NELL1: variants seen among roughly 807,000 people sequenced by gnomAD.
The protein encoded by NELL1 is neural EGFL like 1.
In NELL1, 76 loss-of-function variants were observed where a neutral mutation model predicts 107.4. The ratio of observed to expected loss-of-function variants is 0.71; its 90% CI spans 0.59 to 0.86. NELL1 has a LOEUF of 0.86. NELL1 is among the 40% of genes least tolerant of loss of function. NELL1 has a pLI of 0.00. For synonymous variants in NELL1, 353 were observed against 341.2 expected (o/e 1.03, Z -0.38); for missense variants, 1,024 against 1,005.5 (o/e 1.02, Z -0.25).
intron 12 of NELL1, among the ~76,000 whole-genome samples, chr11:20,973,026 G>A (rs1039964057): frequency 2.0e-5 from 3 of 151,616 alleles, no homozygotes; most frequent in Admixed American, 1.3e-4. Context: ...GGCTGACTTT[G>A]AGGCTTCCTC....
chr11:21,168,927 A>G (rs1856543821), intron 13 of NELL1, among the ~76,000 whole-genome samples: 1 of 151,916 alleles, frequency 6.6e-6, no homozygotes, highest in South Asian at 2.1e-4. Flanking sequence ...AGAGGACTTT[A>G]TTGCTACCTT....
intron 2 of NELL1, among the ~76,000 whole-genome samples, chr11:20,782,304 G>C (rs1856867049): frequency 6.6e-6 from 1 of 152,148 alleles, no homozygotes; most frequent in African/African-American, 2.4e-5. Context: ...GTTTTATACT[G>C]GTAGACTGGT....
chr11:21,473,547 G>A (rs1304484843), intron 15 of NELL1, among the ~76,000 whole-genome samples: 1 of 151,954 alleles, frequency 6.6e-6, no homozygotes, highest in Non-Finnish European at 1.5e-5. Context: ...CAATGATGAG[G>A]GCACCTGTTT....
chr11:21,254,583 C>G (rs1409052492), intron 14 of NELL1, among the ~76,000 whole-genome samples: 1 of 152,044 alleles, frequency 6.6e-6, no homozygotes, highest in Non-Finnish European at 1.5e-5. Flanking sequence ...GAGCTGAGAT[C>G]TGTGGAACTG....
chr11:21,034,739 A>G (rs1277015506), intron 12 of NELL1, among the ~76,000 whole-genome samples: 1 of 152,162 alleles, frequency 6.6e-6, no homozygotes, highest in Non-Finnish European at 1.5e-5. Flanking sequence ...TCTGGGACAC[A>G]GACCAGAGCT....
At chr11:21,052,287 G>A (rs142321691) in intron 12 of NELL1, among the ~76,000 whole-genome samples, 1 of 152,082 alleles carries the variant, frequency 6.6e-6, no homozygotes, top group African/African-American at 2.4e-5. Context: ...CTTTTGCTTT[G>A]GGTGAAGTTG....
At chr11:21,356,627 G>A (rs139310568) in intron 14 of NELL1, among the ~76,000 whole-genome samples, 4 of 152,270 alleles carry the variant, frequency 2.6e-5, no homozygotes, top group African/African-American at 4.8e-5. Flanking sequence ...ATACTGTAGC[G>A]CATAGTAGAT....
At chr11:21,468,732 G>T (rs1477688638) in intron 15 of NELL1, among the ~76,000 whole-genome samples, 2 of 152,048 alleles carry the variant, frequency 1.3e-5, no homozygotes, top group Admixed American at 1.3e-4. Context: ...GGAAGTGGAT[G>T]GGGTGTAGAG....
intron 13 of NELL1, among the ~76,000 whole-genome samples, chr11:21,209,736 G>A (rs1281349764): frequency 2.0e-5 from 3 of 151,886 alleles, no homozygotes; most frequent in Non-Finnish European, 1.5e-5. Context: ...ATGTTTCAAG[G>A]TTTCTTTTAA....
intron 12 of NELL1, among the ~76,000 whole-genome samples, chr11:21,071,383 C>T (rs919649007): frequency 1.3e-5 from 2 of 152,088 alleles, no homozygotes; most frequent in Non-Finnish European, 2.9e-5. Context: ...ACATGTCTGG[C>T]ACATATTGGC....
intron 15 of NELL1, among the ~76,000 whole-genome samples, chr11:21,520,368 T>C (rs1032776040): frequency 2.0e-5 from 3 of 152,150 alleles, no homozygotes; most frequent in African/African-American, 7.2e-5. Flanking sequence ...GGACTCATCA[T>C]GTAACCAAAT....
intron 2 of NELL1, among the ~76,000 whole-genome samples, chr11:20,691,079 CTGTT>C (rs1854452915): frequency 6.6e-6 from 1 of 151,872 alleles, no homozygotes; most frequent in African/African-American, 2.4e-5. Context: ...ATTTGGTTCT[CTGTT>C]TGTCTGTTAT....
intron 12 of NELL1, among the ~76,000 whole-genome samples, chr11:21,023,133 G>T (rs186998048): frequency 6.6e-6 from 1 of 152,178 alleles, no homozygotes; most frequent in East Asian, 1.9e-4. Flanking sequence ...ACACTATAAA[G>T]ACCCAAAGCC....
chr11:21,141,758 T>TTTATTTA (rs986024630), intron 13 of NELL1, among the ~76,000 whole-genome samples: 1 of 151,418 alleles, frequency 6.6e-6, no homozygotes, highest in African/African-American at 2.4e-5. Context: ...TATTTATTTA[T>TTTATTTA]TTATTTATTT....
At chr11:20,947,677 C>A (rs1329017102) in intron 11 of NELL1, among the ~76,000 whole-genome samples, 1 of 152,166 alleles carries the variant, frequency 6.6e-6, no homozygotes, top group Non-Finnish European at 1.5e-5. Context: ...TGCATAAGCA[C>A]CTACCATCAT....
intron 13 of NELL1, among the ~76,000 whole-genome samples, chr11:21,203,488 T>A (rs1857318568): frequency 6.6e-6 from 1 of 151,774 alleles, no homozygotes; most frequent in Admixed American, 6.6e-5. Context: ...TCCATCCTTT[T>A]ATTTTGAGCC....
At chr11:21,319,494 T>TTATATATATATATATA (rs143740709) in intron 14 of NELL1, among the ~76,000 whole-genome samples, 80 of 135,614 alleles carry the variant, frequency 5.9e-4, no homozygotes, top group Admixed American at 1.3e-3. Flanking sequence ...CCAGCTAAAT[T>TTATATATATATATATA]TATATATATA....
At chr11:21,572,970 T>C (rs1242328991) in intron 18 of NELL1, among the ~76,000 whole-genome samples, 1 of 151,856 alleles carries the variant, frequency 6.6e-6, no homozygotes, top group Non-Finnish European at 1.5e-5. Flanking sequence ...CCTAGCTCTT[T>C]CTATGTCCTG....
chr11:20,688,196 T>C (rs1211510656), intron 2 of NELL1, among the ~76,000 whole-genome samples: 2 of 152,116 alleles, frequency 1.3e-5, no homozygotes, highest in African/African-American at 4.8e-5. Flanking sequence ...TTTTATTTTT[T>C]AAATTAAAAA....
Sources: gnomAD v4.1 joint callset for allele counts (sites outside exome capture counted in the v4.1 genomes callset) on GRCh38, gnomAD v4.1.1 for gene constraint, MANE v1.5 for transcripts, NCBI Gene and HGNC (gene_info 2026-07-23, HGNC 2026-07-21) for gene names.